UNC13C: variants seen among roughly 807,000 people sequenced by gnomAD.
UNC13C encodes unc-13 homolog C, also known as protein unc-13 homolog C.
A neutral mutation model predicts 245.4 loss-of-function variants in UNC13C; 174 were observed. The observed-to-expected ratio is 0.71, with a 90% confidence interval of 0.63 to 0.80. UNC13C has a LOEUF of 0.80. Ranked by LOEUF, UNC13C falls within the 30% of genes least tolerant of loss-of-function variation. UNC13C has a pLI of 0.00. For synonymous variants in UNC13C, 992 were observed against 895.1 expected (o/e 1.11, Z -1.93); for missense variants, 2,829 against 2,602.9 (o/e 1.09, Z -1.89).
chr15:54,376,419 C>T (rs1421688303), intron 17 of UNC13C, among the ~76,000 whole-genome samples: 1 of 151,932 alleles, frequency 6.6e-6, no homozygotes, highest in Non-Finnish European at 1.5e-5. Flanking sequence ...AAAGCATATA[C>T]GAGTTTAAAT....
chr15:54,256,767 G>A (rs1037013684), intron 8 of UNC13C, among the ~76,000 whole-genome samples: 1 of 152,190 alleles, frequency 6.6e-6, no homozygotes, highest in African/African-American at 2.4e-5. Context: ...TGCATTCCCT[G>A]AGGATAAAAG....
At chr15:54,483,746 C>T (rs902062408) in intron 19 of UNC13C, among the ~76,000 whole-genome samples, 1 of 152,158 alleles carries the variant, frequency 6.6e-6, no homozygotes, top group Non-Finnish European at 1.5e-5. Context: ...TGAGCCACTG[C>T]GCCCAGCCCT....
chr15:54,295,761 C>T (rs2140938955), intron 11 of UNC13C, among the ~76,000 whole-genome samples: 1 of 152,070 alleles, frequency 6.6e-6, no homozygotes, highest in Non-Finnish European at 1.5e-5. Flanking sequence ...AATCAGCCAT[C>T]TAGCTCTTAT....
chr15:53,838,828 C>T, the UNC13C span, among the ~76,000 whole-genome samples: 1 of 151,746 alleles, frequency 6.6e-6, no homozygotes, highest in Non-Finnish European at 1.5e-5. Flanking sequence ...ACCAGTAAGT[C>T]CTAAAGTCTT....
intron 1 of UNC13C, among the ~76,000 whole-genome samples, chr15:53,980,392 A>G (rs982796393): frequency 6.6e-6 from 1 of 152,160 alleles, no homozygotes; most frequent in Non-Finnish European, 1.5e-5. Context: ...AGTGAAAAAC[A>G]TTGTGTGTTT....
chr15:54,226,686 C>G (rs1029686319), intron 4 of UNC13C, among the ~76,000 whole-genome samples: 2 of 152,166 alleles, frequency 1.3e-5, no homozygotes, highest in African/African-American at 4.8e-5. Flanking sequence ...GGTGTAAAAC[C>G]AAGCTGAGGC....
the UNC13C span, among the ~76,000 whole-genome samples, chr15:53,850,827 A>G: frequency 6.7e-6 from 1 of 149,206 alleles, no homozygotes; most frequent in Non-Finnish European, 1.5e-5. Flanking sequence ...TAAATCTTTG[A>G]TATTTTCCCA....
At chr15:54,524,857 A>G (rs1895377716) in intron 24 of UNC13C, among the ~76,000 whole-genome samples, 1 of 152,176 alleles carries the variant, frequency 6.6e-6, no homozygotes, top group Admixed American at 6.5e-5. Flanking sequence ...TAAAGGTAGA[A>G]AGAAAGAGTC....
chr15:53,971,179 G>A, the UNC13C span, among the ~76,000 whole-genome samples: 1 of 152,054 alleles, frequency 6.6e-6, no homozygotes, highest in Admixed American at 6.6e-5. Context: ...TATTCAAGTT[G>A]GCAAACCACA....
the UNC13C span, among the ~76,000 whole-genome samples, chr15:53,839,778 G>C: frequency 1.3e-5 from 2 of 151,662 alleles, no homozygotes; most frequent in East Asian, 3.9e-4. Flanking sequence ...GATCATTGTT[G>C]CTCTGTTTGG....
At chr15:54,216,977 C>T (rs77244211) in intron 4 of UNC13C, among the ~76,000 whole-genome samples, 2,521 of 152,006 alleles carry the variant, frequency 0.017, 61 homozygotes, top group African/African-American at 0.058. Context: ...AAGAGATCAT[C>T]AGGTTACTTT....
At chr15:54,109,053 G>C (rs1488194709) in intron 2 of UNC13C, among the ~76,000 whole-genome samples, 9 of 151,976 alleles carry the variant, frequency 5.9e-5, no homozygotes, top group Non-Finnish European at 1.5e-5. Flanking sequence ...ACCTGCCCAA[G>C]GGGAAAGTTT....
rs554018877 is a variant in UNC13C at position 54,061,894 on chromosome 15, T to C, written c.2983+46008T>C. Among the ~76,000 whole-genome samples, 4 of 152,284 alleles carry C rather than the reference T, an allele frequency of 2.6e-5. No homozygotes were observed. In the South Asian group the frequency reaches 8.3e-4, roughly 32 times the overall value. On this transcript the variant is annotated intron_variant, in intron 2 of 32. Coordinates refer to ENST00000260323, the MANE Select transcript of UNC13C (RefSeq NM_001080534.3). The stretch of plus-strand genomic sequence containing the variant: ...GGGTATGTCAGTTAAATCAGGGTCA[T>C]GGATGTTTGTAAATTTAAAAAATGC...
intron 30 of UNC13C, among the ~76,000 whole-genome samples, chr15:54,602,339 A>T (rs1457868399): frequency 6.6e-6 from 1 of 152,202 alleles, no homozygotes; most frequent in Non-Finnish European, 1.5e-5. Flanking sequence ...CTGGGCTGAC[A>T]GTGGGACAGA....
intron 17 of UNC13C, among the ~76,000 whole-genome samples, chr15:54,370,869 A>G (rs1246965826): frequency 2.6e-5 from 4 of 151,008 alleles, no homozygotes; most frequent in Non-Finnish European, 4.4e-5. Context: ...TAATTTTTTT[A>G]CTAATTATAA....
chr15:54,314,710 G>T (rs555527507), intron 13 of UNC13C, among the ~76,000 whole-genome samples: 149 of 151,870 alleles, frequency 9.8e-4, no homozygotes, highest in Non-Finnish European at 1.6e-3. Context: ...AATTACTAAG[G>T]TTACCTAGTT....
At chr15:54,294,640 T>C (rs1269211189) in intron 11 of UNC13C, among the ~76,000 whole-genome samples, 1 of 152,152 alleles carries the variant, frequency 6.6e-6, no homozygotes, top group Non-Finnish European at 1.5e-5. Flanking sequence ...AATTTAACTT[T>C]TACTAGAATA....
intron 19 of UNC13C, among the ~76,000 whole-genome samples, chr15:54,485,248 C>A (rs941393969): frequency 2.6e-5 from 4 of 152,206 alleles, no homozygotes; most frequent in Admixed American, 1.3e-4. Flanking sequence ...TGGATACAAT[C>A]TTTACATTCT....
chr15:54,050,054 C>G (rs1193164908), intron 2 of UNC13C: 1 of 307,574 alleles, frequency 3.3e-6, no homozygotes, highest in African/African-American at 2.2e-5. Flanking sequence ...ACTGCAACCT[C>G]CGCCTCCCAG....
Sources: allele counts gnomAD v4.1 joint callset (sites outside exome capture counted in the v4.1 genomes callset), GRCh38; gene constraint gnomAD v4.1.1; transcripts MANE v1.5; gene names NCBI Gene and HGNC (gene_info 2026-07-23, HGNC 2026-07-21).